TMEM132C: variants seen among roughly 807,000 people sequenced by gnomAD.
The protein encoded by TMEM132C is protein phosphatase 1, regulatory subunit 152.
TMEM132C carries 29 observed loss-of-function variants against 61.4 expected under a neutral mutation model. The ratio of observed to expected loss-of-function variants is 0.47; its 90% CI spans 0.35 to 0.64. TMEM132C has a LOEUF of 0.64. TMEM132C is among the 30% of genes least tolerant of loss of function. The pLI is 0.00. For missense variants in TMEM132C, 1,408 were observed against 1,476.9 expected (o/e 0.95, Z 0.76); for synonymous variants, 656 against 633.1 (o/e 1.04, Z -0.54).
At chr12:128,654,338 C>T (rs1330534562) in intron 4 of TMEM132C, among the ~76,000 whole-genome samples, 1 of 152,154 alleles carries the variant, frequency 6.6e-6, no homozygotes, top group East Asian at 1.9e-4. Flanking sequence ...AGGCAAACCC[C>T]TGATGCTAGG....
chr12:128,331,009 C>A (rs1872652913), intron 1 of TMEM132C, among the ~76,000 whole-genome samples: 1 of 151,940 alleles, frequency 6.6e-6, no homozygotes, highest in Non-Finnish European at 1.5e-5. Context: ...GATTTTTATC[C>A]AACAATAAAA....
At chr12:128,678,167 G>A (rs759802878) in intron 5 of TMEM132C, among the ~76,000 whole-genome samples, 3 of 152,162 alleles carry the variant, frequency 2.0e-5, no homozygotes, top group Admixed American at 6.5e-5. Flanking sequence ...ATTTGTTCTT[G>A]TCATGGCTGA....
chr12:128,338,777 T>TATATATATATATATATATATA (rs1565905368), intron 1 of TMEM132C, among the ~76,000 whole-genome samples: 11 of 149,138 alleles, frequency 7.4e-5, no homozygotes, highest in African/African-American at 2.6e-4. Context: ...TATATATATA[T>TATATATATATATATATATATA]TTTGCACAAA....
At chr12:128,584,553 G>A (rs972155930) in intron 3 of TMEM132C, among the ~76,000 whole-genome samples, 2 of 152,172 alleles carry the variant, frequency 1.3e-5, no homozygotes, top group Non-Finnish European at 2.9e-5. Context: ...ACTGTGCTGC[G>A]AATGGTCTGT....
intron 3 of TMEM132C, among the ~76,000 whole-genome samples, chr12:128,561,440 T>C (rs1410583349): frequency 6.6e-6 from 1 of 152,242 alleles, no homozygotes; most frequent in Non-Finnish European, 1.5e-5. Flanking sequence ...TGCATGCCTG[T>C]TAAACCCTCC....
At chr12:128,387,947 C>T (rs1874638782) in intron 1 of TMEM132C, among the ~76,000 whole-genome samples, 2 of 152,212 alleles carry the variant, frequency 1.3e-5, no homozygotes, top group South Asian at 4.1e-4. Context: ...GGCAGCCGTG[C>T]CCGGCCGTCA....
intron 2 of TMEM132C, among the ~76,000 whole-genome samples, chr12:128,461,852 G>C (rs1039662066): frequency 6.6e-6 from 1 of 152,108 alleles, no homozygotes; most frequent in African/African-American, 2.4e-5. Flanking sequence ...ATTCTCCAGG[G>C]GTGATGGAGT....
chr12:128,405,112 C>T (rs1875296233), intron 1 of TMEM132C, among the ~76,000 whole-genome samples: 1 of 152,110 alleles, frequency 6.6e-6, no homozygotes. Context: ...CTCAATTATC[C>T]TATCTTTCTG....
At position 128,472,822 on chromosome 12, in the gene TMEM132C, G is replaced by T. The variant is rs556977755; in HGVS notation, c.974+57202G>T. Reference sequence around the variant, plus strand: ...TCCCATTTGCTGTTAGTTATAAAATGGTCCCTGATGATGTAGCCATTCTTG... The same window carrying T: ...TCCCATTTGCTGTTAGTTATAAAATTGTCCCTGATGATGTAGCCATTCTTG... On this transcript the variant is annotated intron_variant, in intron 2 of 8. Coordinates refer to ENST00000435159, the MANE Select transcript of TMEM132C (RefSeq NM_001136103.3). 7.9e-5 allele frequency among the ~76,000 whole-genome samples: 12 copies of T among 152,256 alleles called. No homozygotes were observed. In the East Asian group the frequency reaches 1.7e-3, roughly 22 times the overall value.
At chr12:128,524,342 C>T (rs1475963216) in intron 2 of TMEM132C, among the ~76,000 whole-genome samples, 2 of 152,164 alleles carry the variant, frequency 1.3e-5, no homozygotes, top group Non-Finnish European at 2.9e-5. Context: ...CTCACCAGGA[C>T]CCAAGTGCTG....
chr12:128,514,791 T>C (rs1872669912), intron 2 of TMEM132C, among the ~76,000 whole-genome samples: 1 of 152,180 alleles, frequency 6.6e-6, no homozygotes, highest in Admixed American at 6.5e-5. Context: ...TTTACTGAGC[T>C]GTCTTAGGCA....
intron 2 of TMEM132C, among the ~76,000 whole-genome samples, chr12:128,472,087 G>A (rs1166898645): frequency 1.3e-5 from 2 of 152,152 alleles, no homozygotes; most frequent in African/African-American, 4.8e-5. Flanking sequence ...CTGCAGGTAA[G>A]TCCTGCAGGA....
intron 2 of TMEM132C, among the ~76,000 whole-genome samples, chr12:128,531,523 G>A (rs538760590): frequency 1.6e-4 from 24 of 152,340 alleles, no homozygotes; most frequent in Middle Eastern, 3.4e-3. Flanking sequence ...CTGGGTTTCC[G>A]TGGCTTCACA....
intron 1 of TMEM132C, among the ~76,000 whole-genome samples, chr12:128,284,343 C>T (rs1365456815): frequency 1.3e-5 from 2 of 152,186 alleles, no homozygotes; most frequent in African/African-American, 4.8e-5. Flanking sequence ...TGTAAACTTA[C>T]TCTTATGGTA....
chr12:128,530,553 C>T (rs1180880413), intron 2 of TMEM132C, among the ~76,000 whole-genome samples: 1 of 152,134 alleles, frequency 6.6e-6, no homozygotes, highest in Non-Finnish European at 1.5e-5. Context: ...AAGCGCTTCT[C>T]CTGCCTCAGC....
intron 2 of TMEM132C, among the ~76,000 whole-genome samples, chr12:128,501,724 T>C (rs1239850468): frequency 6.6e-6 from 1 of 152,224 alleles, no homozygotes; most frequent in African/African-American, 2.4e-5. Flanking sequence ...ATCTACAAGA[T>C]AAAAATATAA....
intron 2 of TMEM132C, among the ~76,000 whole-genome samples, chr12:128,441,761 G>A (rs537257231): frequency 2.1e-4 from 32 of 152,320 alleles, no homozygotes; most frequent in Middle Eastern, 3.4e-3. Flanking sequence ...TTGGGAGGCC[G>A]AGGCGGGCAG....
At chr12:128,580,333 A>G (rs747484600) in intron 3 of TMEM132C, among the ~76,000 whole-genome samples, 3 of 152,176 alleles carry the variant, frequency 2.0e-5, no homozygotes, top group Non-Finnish European at 4.4e-5. Context: ...AGGCAGGAGA[A>G]TGGCATGAAC....
intron 1 of TMEM132C, among the ~76,000 whole-genome samples, chr12:128,292,686 T>C (rs1264900293): frequency 8.8e-6 from 1 of 113,746 alleles, no homozygotes; most frequent in Non-Finnish European, 1.8e-5. Context: ...TTAAGTGTAC[T>C]TAGTACCTAG....
Sources: allele counts gnomAD v4.1 joint callset (sites outside exome capture counted in the v4.1 genomes callset), GRCh38; gene constraint gnomAD v4.1.1; transcripts MANE v1.5; gene names NCBI Gene and HGNC (gene_info 2026-07-23, HGNC 2026-07-21).